The following ABTB3 variants were observed in gnomAD, a reference collection of about 807,000 sequenced individuals.
The protein encoded by ABTB3 is ankyrin repeat- and BTB/POZ domain-containing protein 3.
chr12:107,497,553 C>T, the ABTB3 span, among the ~76,000 whole-genome samples: 21 of 152,058 alleles, frequency 1.4e-4, no homozygotes, highest in African/African-American at 3.4e-4. Context: ...ACAGCATCAT[C>T]GTCACCACCA....
chr12:107,485,624 A>G, the ABTB3 span, among the ~76,000 whole-genome samples: 3 of 152,144 alleles, frequency 2.0e-5, no homozygotes, highest in African/African-American at 7.2e-5. Flanking sequence ...AAATAAATCA[A>G]CCACTCTACC....
the ABTB3 span, among the ~76,000 whole-genome samples, chr12:107,608,987 AAATAAAATAAAATAAAATAAAAT>A: frequency 5.3e-5 from 6 of 114,050 alleles, no homozygotes; most frequent in African/African-American, 1.9e-4. Context: ...AAATAAAATA[AAATAAAATAAAATAAAATAAAAT>A]AAAGACACAG....
the ABTB3 span, chr12:107,642,282 TGTCA>T: frequency 1.0e-6 from 1 of 958,034 alleles, no homozygotes; most frequent in Non-Finnish European, 1.6e-6. Flanking sequence ...TGGAATGAGC[TGTCA>T]GTCTCCTGAA....
chr12:107,520,268 C>G, the ABTB3 span: 2 of 985,136 alleles, frequency 2.0e-6, no homozygotes, highest in Admixed American at 6.1e-5. Flanking sequence ...TGCCCACATG[C>G]TTGTTAAAAT....
the ABTB3 span, among the ~76,000 whole-genome samples, chr12:107,427,681 G>A: frequency 7.2e-5 from 11 of 152,074 alleles, no homozygotes; most frequent in African/African-American, 1.9e-4. Context: ...CACGAGTTCC[G>A]GAGATTAGTT....
At chr12:107,385,161 C>T in the ABTB3 span, among the ~76,000 whole-genome samples, 1 of 152,186 alleles carries the variant, frequency 6.6e-6, no homozygotes, top group African/African-American at 2.4e-5. Context: ...ATTGTCTCCT[C>T]ATCCCACATT....
At chr12:107,346,230 C>T in the ABTB3 span, among the ~76,000 whole-genome samples, 1 of 152,066 alleles carries the variant, frequency 6.6e-6, no homozygotes, top group African/African-American at 2.4e-5. Flanking sequence ...CCTGTTGCTT[C>T]TGAGTTTGTG....
At chr12:107,362,444 C>T in the ABTB3 span, among the ~76,000 whole-genome samples, 5 of 152,158 alleles carry the variant, frequency 3.3e-5, no homozygotes, top group Non-Finnish European at 7.3e-5. Context: ...AATGGATGTC[C>T]CTCCACGTGG....
the ABTB3 span, among the ~76,000 whole-genome samples, chr12:107,337,801 T>TG: frequency 6.6e-6 from 1 of 152,182 alleles, no homozygotes; most frequent in Non-Finnish European, 1.5e-5. Flanking sequence ...GTCAATTCCA[T>TG]GGGGGAAAAT....
the ABTB3 span, among the ~76,000 whole-genome samples, chr12:107,603,639 G>A: frequency 3.1e-4 from 47 of 152,230 alleles, no homozygotes; most frequent in Admixed American, 2.7e-3. Context: ...ACATTGGCCT[G>A]GGCAATGATT....
the ABTB3 span, among the ~76,000 whole-genome samples, chr12:107,612,308 G>A: frequency 4.9e-3 from 748 of 152,304 alleles, 7 homozygotes; most frequent in African/African-American, 0.016. Context: ...GATGGGCAAC[G>A]CCACATGCTC....
the ABTB3 span, among the ~76,000 whole-genome samples, chr12:107,507,539 C>G: frequency 7.2e-5 from 11 of 152,160 alleles, no homozygotes; most frequent in African/African-American, 2.7e-4. Context: ...GAATTGATTC[C>G]TAAGGAATTC....
chr12:107,524,817 T>C, the ABTB3 span, among the ~76,000 whole-genome samples: 2 of 152,254 alleles, frequency 1.3e-5, no homozygotes. Context: ...TCCCCACCTC[T>C]GTACCATCAG....
the ABTB3 span, among the ~76,000 whole-genome samples, chr12:107,601,318 C>T: frequency 4.6e-5 from 7 of 152,216 alleles, no homozygotes; most frequent in Non-Finnish European, 8.8e-5. Context: ...CTCAGACCTT[C>T]GCCTCAGTTT....
At chr12:107,470,924 G>A in the ABTB3 span, among the ~76,000 whole-genome samples, 1 of 152,210 alleles carries the variant, frequency 6.6e-6, no homozygotes, top group Non-Finnish European at 1.5e-5. Context: ...GACAGGAAAG[G>A]GAGGGTGAGA....
chr12:107,592,574 G>A, the ABTB3 span, among the ~76,000 whole-genome samples: 9 of 152,148 alleles, frequency 5.9e-5, no homozygotes, highest in African/African-American at 1.4e-4. Flanking sequence ...GAACTAGATC[G>A]ACCTGTTATT....
chr12:107,427,472 G>A, the ABTB3 span, among the ~76,000 whole-genome samples: 1 of 152,088 alleles, frequency 6.6e-6, no homozygotes, highest in Non-Finnish European at 1.5e-5. Context: ...TAGACATGGG[G>A]TCTTGCTATT....
the ABTB3 span, among the ~76,000 whole-genome samples, chr12:107,497,373 C>T: frequency 6.6e-6 from 1 of 151,282 alleles, no homozygotes; most frequent in Admixed American, 6.6e-5. Context: ...TCATCACCAT[C>T]GCCACCATCA....
At chr12:107,371,060 T>C in the ABTB3 span, among the ~76,000 whole-genome samples, 1 of 152,140 alleles carries the variant, frequency 6.6e-6, no homozygotes, top group East Asian at 1.9e-4. Flanking sequence ...ACTGCTGGCA[T>C]AGCCCATCAG....
Sources: gnomAD v4.1 joint callset for allele counts (sites outside exome capture counted in the v4.1 genomes callset) on GRCh38, gnomAD v4.1.1 for gene constraint, MANE v1.5 for transcripts, NCBI Gene and HGNC (gene_info 2026-07-23, HGNC 2026-07-21) for gene names.